Variants in GRIA2 observed in about 807,000 individuals in gnomAD.
GRIA2 encodes glutamate receptor 2.
In GRIA2, 14 loss-of-function variants were observed where a neutral mutation model predicts 97.3. That is an observed-to-expected ratio of 0.14 (90% confidence interval 0.10 to 0.23). GRIA2 has a LOEUF of 0.23. Ranked by LOEUF, GRIA2 falls within the 10% of genes least tolerant of loss-of-function variation. The pLI, the probability that GRIA2 is intolerant of heterozygous loss-of-function variation, is 1.00. For missense variants in GRIA2, 558 were observed against 1,069.8 expected (o/e 0.52, Z 6.67); for synonymous variants, 412 against 387.8 (o/e 1.06, Z -0.73).
chr4:157,353,771 G>T (rs2126978486), intron 12 of GRIA2, among the ~76,000 whole-genome samples: 1 of 152,200 alleles, frequency 6.6e-6, no homozygotes, highest in South Asian at 2.1e-4. Flanking sequence ...AAGAAGCTGA[G>T]AAATTACATT....
chr4:157,225,020 A>C (rs1729679713), intron 2 of GRIA2, among the ~76,000 whole-genome samples: 1 of 152,110 alleles, frequency 6.6e-6, no homozygotes, highest in Admixed American at 6.5e-5. Flanking sequence ...TACAACTTCA[A>C]AAGGGAAAAT....
chr4:157,352,855 T>A lies in GRIA2; in HGVS notation c.2044-7041T>A, dbSNP rs1736074333. 2.0e-5 allele frequency among the ~76,000 whole-genome samples: 3 copies of A among 151,980 alleles called. No individual in the cohort carries two copies. The South Asian group carries it at 6.2e-4, about 32-fold the overall frequency. On this transcript the variant is annotated intron_variant, in intron 12 of 15. Transcript: ENST00000264426. ...ATCAACTGAGGTCAGGAATTTGAAT[T>A]TGAGACCAGCCTGACCAGCATAGTG... is the stretch of plus-strand genomic sequence containing the variant.
At chr4:157,248,714 C>T (rs151034595) in intron 2 of GRIA2, among the ~76,000 whole-genome samples, 4,149 of 137,284 alleles carry the variant, frequency 0.03, 73 homozygotes, top group Middle Eastern at 0.087. Context: ...TATATATATA[C>T]ACATATGTGT....
intron 2 of GRIA2, among the ~76,000 whole-genome samples, chr4:157,222,876 C>A (rs1268205427): frequency 3.9e-5 from 6 of 152,234 alleles, no homozygotes; most frequent in Admixed American, 2.6e-4. Context: ...CTCGCTCCCC[C>A]GCGCAGGCGT....
rs1369158597 is a variant in GRIA2 at position 157,295,715 on chromosome 4, T to C, written c.230-7837T>C. 2.0e-5 allele frequency among the ~76,000 whole-genome samples: 3 copies of C among 152,124 alleles called. No individual in the cohort carries two copies. In the East Asian group the frequency reaches 5.8e-4, roughly 29 times the overall value. On this transcript the variant is annotated intron_variant, in intron 2 of 15. Transcript: ENST00000264426. ...TGCAAAGTAGATGGTTTAACTTCAT[T>C]TCATCATAAGAAGAGAACATTGTAT...
intron 2 of GRIA2, among the ~76,000 whole-genome samples, chr4:157,256,219 AATATATAATATATAATATAT>A (rs1050365020): frequency 1.9e-5 from 2 of 107,346 alleles, no homozygotes; most frequent in Admixed American, 9.8e-5. Flanking sequence ...TGTTATATAT[AATATATAATATATAATATAT>A]ATATATAATA....
At chr4:157,353,303 G>C (rs1483844218) in intron 12 of GRIA2, among the ~76,000 whole-genome samples, 1 of 152,066 alleles carries the variant, frequency 6.6e-6, no homozygotes, top group Non-Finnish European at 1.5e-5. Context: ...GGTGAGCCAA[G>C]ATGGCGCCAT....
chr4:157,222,591 C>G (rs1271083824), intron 2 of GRIA2, among the ~76,000 whole-genome samples: 2 of 152,178 alleles, frequency 1.3e-5, no homozygotes, highest in South Asian at 2.1e-4. Flanking sequence ...AGCTTGCCAG[C>G]CCGGCGCGCT....
chr4:157,258,108 G>A (rs541620018), intron 2 of GRIA2, among the ~76,000 whole-genome samples: 2 of 152,072 alleles, frequency 1.3e-5, no homozygotes, highest in African/African-American at 2.4e-5. Context: ...TGATGATTGC[G>A]TTAACTACAC....
intron 6 of GRIA2, among the ~76,000 whole-genome samples, chr4:157,332,091 T>A (rs887699803): frequency 6.6e-6 from 1 of 152,072 alleles, no homozygotes; most frequent in Non-Finnish European, 1.5e-5. Flanking sequence ...GTAGTATAGA[T>A]ACATGCACAT....
chr4:157,311,026 T>C (rs901779245), intron 3 of GRIA2, among the ~76,000 whole-genome samples: 2 of 152,016 alleles, frequency 1.3e-5, no homozygotes, highest in African/African-American at 2.4e-5. Context: ...GTAGTTGATG[T>C]TTGTTGTCTT....
chr4:157,359,913 G>A lies in GRIA2; in HGVS notation c.2061G>A (p.Val687=). Residue 687 remains valine, a synonymous_variant, in exon 13 of 16, where the codon GTG becomes GTA. Transcript: ENST00000264426. ...TCCTGCAGAGATCTAAAATTGCAGT[G>A]TTTGATAAAATGTGGACCTACATGC... The part of the protein sequence containing the change: ...KEFFRRSKIA[V]FDKMWTYMRS... 3 of 1,613,692 alleles carry A rather than the reference G, an allele frequency of 1.9e-6. No individual in the cohort carries two copies. The highest frequency in any genetic ancestry group is 2.5e-6 in the Non-Finnish European group (3 of 1,179,772).
intron 3 of GRIA2, among the ~76,000 whole-genome samples, chr4:157,305,080 G>A (rs139901211): frequency 2.6e-5 from 4 of 152,144 alleles, no homozygotes; most frequent in Non-Finnish European, 5.9e-5. Flanking sequence ...AGATTTCAAT[G>A]TGCTGGATGT....
At chr4:157,340,811 G>A (rs1735514788) in intron 11 of GRIA2, among the ~76,000 whole-genome samples, 1 of 151,722 alleles carries the variant, frequency 6.6e-6, no homozygotes, top group Non-Finnish European at 1.5e-5. Context: ...ATTAAAGGGA[G>A]GATTTCTTTG....
intron 2 of GRIA2, among the ~76,000 whole-genome samples, chr4:157,241,076 A>G (rs548683948): frequency 2.0e-5 from 3 of 152,136 alleles, no homozygotes; most frequent in Non-Finnish European, 2.9e-5. Flanking sequence ...TCCAAGGTGT[A>G]TATGTGCCAC....
chr4:157,259,411 T>C (rs1731426904), intron 2 of GRIA2, among the ~76,000 whole-genome samples: 1 of 152,090 alleles, frequency 6.6e-6, no homozygotes. Flanking sequence ...TTTCTTTAGC[T>C]ATGAAAGTAG....
At chr4:157,304,881 T>C (rs539395558) in intron 3 of GRIA2, among the ~76,000 whole-genome samples, 8 of 152,198 alleles carry the variant, frequency 5.3e-5, no homozygotes, top group African/African-American at 1.9e-4. Context: ...GAGCTAGGTG[T>C]CTGATTCTCT....
At chr4:157,333,547 A>C (rs568217796) in intron 8 of GRIA2, among the ~76,000 whole-genome samples, 194 bp downstream of exon 8, 1 of 152,132 alleles carries the variant, frequency 6.6e-6, no homozygotes, top group African/African-American at 2.4e-5. Context: ...TTGTAATTTT[A>C]AAAATAATTA....
At chr4:157,312,625 A>C in intron 3 of GRIA2, 54 bp from the exon 4 acceptor site, 1 of 1,000,722 alleles carries the variant, frequency 1.0e-6, no homozygotes, top group Admixed American at 2.6e-5. Flanking sequence ...TCATAACACA[A>C]TCCTGAGTTA....
Sources: gnomAD v4.1 joint callset for allele counts (sites outside exome capture counted in the v4.1 genomes callset) on GRCh38, gnomAD v4.1.1 for gene constraint, MANE v1.5 for transcripts, NCBI Gene and HGNC (gene_info 2026-07-23, HGNC 2026-07-21) for gene names.